Variants in USP47 observed in about 807,000 individuals in gnomAD.
The protein encoded by USP47 is ubiquitin carboxyl-terminal hydrolase 47.
A neutral mutation model predicts 165.1 loss-of-function variants in USP47; 35 were observed. That is an observed-to-expected ratio of 0.21 (90% confidence interval 0.16 to 0.28). The LOEUF is 0.28. Among genes scored for constraint, USP47 ranks in the 10% least tolerant of loss-of-function variants. The pLI, the probability that USP47 is intolerant of heterozygous loss-of-function variation, is 1.00. For missense variants in USP47, 1,277 were observed against 1,607.4 expected, an observed-to-expected ratio of 0.79 and a Z score of 3.52; for synonymous variants, 531 against 544.5, an observed-to-expected ratio of 0.98 and a Z score of 0.35.
intron 21 of USP47, 93 bp from the exon 22 acceptor site, chr11:11,948,385 T>C (rs1855988910): frequency 9.0e-7 from 1 of 1,111,462 alleles, no homozygotes; most frequent in Admixed American, 2.0e-5. Context: ...GAGCCTATAA[T>C]CTAGAGTATT....
At chr11:11,873,292 G>T (rs1422484733) in intron 1 of USP47, among the ~76,000 whole-genome samples, 2 of 151,962 alleles carry the variant, frequency 1.3e-5, no homozygotes, top group Non-Finnish European at 2.9e-5. Context: ...TTGATTATAG[G>T]TTACTTTTAT....
chr11:11,888,569 CAAT>C (rs1851314424), intron 3 of USP47, among the ~76,000 whole-genome samples: 3 of 151,906 alleles, frequency 2.0e-5, no homozygotes, highest in African/African-American at 7.3e-5. Flanking sequence ...TATAGCCTAC[CAAT>C]CAAAAAAAGC....
chr11:11,940,590 G>A lies in USP47; in HGVS notation c.2313+42G>A, dbSNP rs745779771. 7.5e-6 allele frequency: 12 copies of A among 1,593,156 alleles called. No homozygotes were observed. The Admixed American group carries it at 1.5e-4, about 20-fold the overall frequency. On this transcript the variant is annotated intron_variant, in intron 19 of 27. Coordinates refer to ENST00000527733, the MANE Select transcript of USP47 (RefSeq NM_001282659.2). ...TTCATTACTATTTTCTATGCTGGTA[G>A]TAGTAAATGAAATTAGGTTCAATAT...
chr11:11,925,469 A>C lies in USP47; in HGVS notation c.1386+2578A>C, dbSNP rs532201508. The stretch of plus-strand genomic sequence containing the variant: ...CTCCTTGGTTAAGTTTATTCCTAAG[A>C]ATTTTATTCTCTTTGACACTATTGT... On this transcript the variant is annotated intron_variant, in intron 11 of 27. Transcript: ENST00000527733. Among the ~76,000 whole-genome samples, 12 of 152,104 alleles carry C rather than the reference A, an allele frequency of 7.9e-5. No homozygotes were observed. In the South Asian group the frequency reaches 2.5e-3, roughly 32 times the overall value.
chr11:11,886,622 G>A (rs1851180455), intron 3 of USP47, among the ~76,000 whole-genome samples: 1 of 152,126 alleles, frequency 6.6e-6, no homozygotes, highest in Admixed American at 6.6e-5. Context: ...AACTGATTGG[G>A]ATACCTGAAG....
rs570007641 is a variant in USP47 at position 11,885,764 on chromosome 11, C to T, written c.357+1184C>T. Among the ~76,000 whole-genome samples the T allele has an allele frequency of 1.5e-3, 228 of 152,320 alleles. 1 individual carries two copies. The highest frequency in any genetic ancestry group is 2.7e-3 in the Non-Finnish European group (181 of 68,032). ...TCTGCAGGCCCCACTTCCACAGCACCTCACAAGCTAAGACCCACTGGCTTG... is the reference window on the plus strand; with the variant it reads ...TCTGCAGGCCCCACTTCCACAGCACTTCACAAGCTAAGACCCACTGGCTTG... On this transcript the variant is annotated intron_variant, in intron 3 of 27. Transcript: ENST00000527733.
chr11:11,899,597 G>A (rs1249492872), intron 5 of USP47, among the ~76,000 whole-genome samples: 1 of 152,146 alleles, frequency 6.6e-6, no homozygotes, highest in Non-Finnish European at 1.5e-5. Context: ...GTAGTAGACA[G>A]TAAGGGCCTC....
chr11:11,959,929 C>T lies in USP47; in HGVS notation c.*3754C>T, dbSNP rs185197793. Among the ~76,000 whole-genome samples, 20 of 152,278 alleles carry T rather than the reference C, an allele frequency of 1.3e-4. No individual in the cohort carries two copies. Among genetic ancestry groups the T allele is most frequent in the Admixed American group, 1.2e-3 (19 of 15,288 alleles). On this transcript the variant is annotated 3_prime_UTR_variant, in exon 28 of 28. Coordinates refer to ENST00000527733, the MANE Select transcript of USP47 (RefSeq NM_001282659.2). ...ATGTTTCCCACCTGCCCTCTCCCCA[C>T]CTGTTTTCAGCCTCTTTTATAATGC...
At chr11:11,844,544 A>G (rs1030493849) in intron 1 of USP47, among the ~76,000 whole-genome samples, 6 of 152,172 alleles carry the variant, frequency 3.9e-5, no homozygotes, top group Non-Finnish European at 8.8e-5. Context: ...CTAGTGCTAG[A>G]ACTCACTTCC....
At chr11:11,869,291 A>G (rs974866399) in intron 1 of USP47, among the ~76,000 whole-genome samples, 1 of 151,768 alleles carries the variant, frequency 6.6e-6, no homozygotes, top group Non-Finnish European at 1.5e-5. Context: ...TAATTTTAAT[A>G]TAAGATGGAG....
chr11:11,917,991 G>A (rs1200755494), intron 8 of USP47, among the ~76,000 whole-genome samples: 1 of 152,102 alleles, frequency 6.6e-6, no homozygotes, highest in Non-Finnish European at 1.5e-5. Context: ...ATTTTTGCAT[G>A]GTCTCCAAGT....
chr11:11,897,580 G>T lies in USP47; in HGVS notation c.497-17G>T, dbSNP rs138592355. ...TGTAAATGCTGATTAATGTACATTTGTATTTTCTCTTTAAAGGATATGTGG... is the reference window on the plus strand; with the variant it reads ...TGTAAATGCTGATTAATGTACATTTTTATTTTCTCTTTAAAGGATATGTGG... On this transcript the variant is annotated splice_polypyrimidine_tract_variant and intron_variant, in intron 4 of 27. Transcript: ENST00000527733. 294 of 1,545,270 alleles carry T rather than the reference G, an allele frequency of 1.9e-4. 1 individual carries two copies. The South Asian group carries it at 3.3e-3, about 17-fold the overall frequency.
At chr11:11,939,311 A>G (rs1476940321) in intron 18 of USP47, among the ~76,000 whole-genome samples, 1 of 151,990 alleles carries the variant, frequency 6.6e-6, no homozygotes, top group Non-Finnish European at 1.5e-5. Flanking sequence ...TCCAGTTTTC[A>G]GTCATTCATC....
intron 19 of USP47, 104 bp from the exon 20 acceptor site, chr11:11,942,231 A>G (rs1855524246): frequency 7.8e-7 from 1 of 1,278,218 alleles, no homozygotes; most frequent in African/African-American, 1.5e-5. Context: ...CACACATGTT[A>G]TAACATAACT....
At chr11:11,893,690 A>G (rs1851682774) in intron 4 of USP47, among the ~76,000 whole-genome samples, 1 of 151,874 alleles carries the variant, frequency 6.6e-6, no homozygotes, top group Non-Finnish European at 1.5e-5. Context: ...GTAGCGGGGA[A>G]TACAGGTGTG....
intron 3 of USP47, 43 bp downstream of exon 3, chr11:11,884,623 T>G: frequency 4.7e-4 from 554 of 1,179,854 alleles, no homozygotes; most frequent in Non-Finnish European, 6.2e-4. Flanking sequence ...TTTTGTGCAC[T>G]GTCACCTACT....
At chr11:11,877,869 AGAT>A (rs1850576127) in intron 1 of USP47, among the ~76,000 whole-genome samples, 1 of 137,410 alleles carries the variant, frequency 7.3e-6, no homozygotes, top group African/African-American at 2.7e-5. Flanking sequence ...GCGCGCGCGC[AGAT>A]AAGATATTTG....
At chr11:11,852,517 T>G (rs1370332799) in intron 1 of USP47, among the ~76,000 whole-genome samples, 1 of 152,198 alleles carries the variant, frequency 6.6e-6, no homozygotes, top group Non-Finnish European at 1.5e-5. Flanking sequence ...ATCTTATGTT[T>G]TCCTTGCCCC....
rs543208831 is a variant in USP47, at chr11:11,943,344, G to C, written c.3091+232G>C. ...GAAGTAAAAAAAAATAGTATTCAAT[G>C]TTAGGAAGGAATTATGATATAATTA... On this transcript the variant is annotated intron_variant, in intron 20 of 27. Coordinates refer to ENST00000527733, the MANE Select transcript of USP47 (RefSeq NM_001282659.2). 3 of 333,222 alleles carry C rather than the reference G, an allele frequency of 9.0e-6. No individual in the cohort carries two copies. The Admixed American group carries it at 1.3e-4, about 15-fold the overall frequency. 20.6% of individuals were successfully genotyped at this position (333,222 alleles called of 1,614,324 possible).
Sources: allele counts gnomAD v4.1 joint callset (sites outside exome capture counted in the v4.1 genomes callset), GRCh38; gene constraint gnomAD v4.1.1; transcripts MANE v1.5; gene names NCBI Gene and HGNC (gene_info 2026-07-23, HGNC 2026-07-21).